The following STK3 variants were observed in gnomAD, a reference collection of about 807,000 sequenced individuals.
STK3 encodes serine/threonine kinase 3.
STK3 carries 41 observed loss-of-function variants against 58.0 expected under a neutral mutation model. That is an observed-to-expected ratio of 0.71 (90% confidence interval 0.55 to 0.92). The LOEUF is 0.92. Among genes scored for constraint, STK3 ranks in the 40% least tolerant of loss-of-function variants. The pLI is 0.00. For missense variants in STK3, 479 were observed against 602.7 expected, an observed-to-expected ratio of 0.79 and a Z score of 2.15; for synonymous variants, 170 against 191.0, an observed-to-expected ratio of 0.89 and a Z score of 0.91.
At chr8:98,352,512 A>G in the STK3 span, among the ~76,000 whole-genome samples, 1 of 152,226 alleles carries the variant, frequency 6.6e-6, no homozygotes, top group Non-Finnish European at 1.5e-5. Flanking sequence ...AACACTGCAG[A>G]AAAAATGCCT....
At chr8:98,378,398 T>C (rs1226993744) in intron 2 of STK3, among the ~76,000 whole-genome samples, 1 of 152,256 alleles carries the variant, frequency 6.6e-6, no homozygotes, top group African/African-American at 2.4e-5. Flanking sequence ...AGGATCAATG[T>C]CATTCGGTGG....
chr8:98,782,275 G>T (rs1832141382), intron 1 of STK3: 1 of 174,156 alleles, frequency 5.7e-6, no homozygotes, highest in Non-Finnish European at 1.2e-5. Context: ...ATGGTCATAG[G>T]TAAACAAAAA....
intron 10 of STK3, among the ~76,000 whole-genome samples, chr8:98,477,444 C>G (rs1434728815): frequency 6.6e-6 from 1 of 151,920 alleles, no homozygotes; most frequent in Non-Finnish European, 1.5e-5. Flanking sequence ...TCTTTCTCAA[C>G]CCCAACTCCC....
chr8:98,579,875 A>G, intron 7 of STK3, 86 bp from the exon 8 acceptor site: 3 of 1,215,410 alleles, frequency 2.5e-6, no homozygotes, highest in Non-Finnish European at 3.3e-6. Context: ...GTAAATGTTA[A>G]CCAGGATCAC....
chr8:98,618,569 T>C (rs1436571466), intron 6 of STK3, among the ~76,000 whole-genome samples: 4 of 148,326 alleles, frequency 2.7e-5, no homozygotes, highest in South Asian at 4.4e-4. Flanking sequence ...AAAACCCCAT[T>C]GTCTCAGCCC....
chr8:98,523,746 A>C (rs1002186437), intron 10 of STK3, among the ~76,000 whole-genome samples: 3 of 152,000 alleles, frequency 2.0e-5, no homozygotes, highest in African/African-American at 7.2e-5. Context: ...AGTTCATTAT[A>C]CATTATGAAT....
chr8:98,708,769 T>C (rs1033932524), intron 4 of STK3, among the ~76,000 whole-genome samples: 1 of 152,200 alleles, frequency 6.6e-6, no homozygotes, highest in Non-Finnish European at 1.5e-5. Context: ...ACCCTGTGAA[T>C]TGACTGAGTG....
At chr8:98,411,768 TC>T in intron 3 of STK3, among the ~76,000 whole-genome samples, 1 of 152,230 alleles carries the variant, frequency 6.6e-6, no homozygotes, top group South Asian at 2.1e-4. Context: ...ACATCACTCC[TC>T]GAGGGACAAA....
At chr8:98,630,773 A>AGAAGAAGAG (rs1444427651) in intron 6 of STK3, among the ~76,000 whole-genome samples, 1 of 151,622 alleles carries the variant, frequency 6.6e-6, no homozygotes, top group African/African-American at 2.4e-5. Context: ...AACAAGAAGA[A>AGAAGAAGAG]GAAGAGGAAG....
intron 1 of STK3, among the ~76,000 whole-genome samples, chr8:98,916,257 T>C (rs572416805): frequency 6.6e-6 from 1 of 152,116 alleles, no homozygotes; most frequent in South Asian, 2.1e-4. Context: ...CTACTAAAAA[T>C]ACAAAAATTA....
intron 3 of STK3, among the ~76,000 whole-genome samples, chr8:98,835,404 T>C (rs1207660280): frequency 6.6e-6 from 1 of 152,210 alleles, no homozygotes; most frequent in African/African-American, 2.4e-5. Flanking sequence ...CTGGTGGGCA[T>C]ATGTTCCCTC....
At chr8:98,575,324 G>T (rs1454052625) in intron 8 of STK3, among the ~76,000 whole-genome samples, 1 of 149,400 alleles carries the variant, frequency 6.7e-6, no homozygotes, top group African/African-American at 2.5e-5. Flanking sequence ...CTTGAGTGCA[G>T]GCCAGACCTA....
chr8:98,701,310 T>C (rs1006137302), intron 6 of STK3, among the ~76,000 whole-genome samples: 16 of 152,294 alleles, frequency 1.1e-4, no homozygotes, highest in Middle Eastern at 3.4e-3. Flanking sequence ...ATTTAAAATA[T>C]ATACATATAT....
intron 4 of STK3, among the ~76,000 whole-genome samples, chr8:98,715,314 G>A (rs558297699): frequency 1.3e-5 from 2 of 152,156 alleles, no homozygotes; most frequent in East Asian, 3.9e-4. Flanking sequence ...CTTCTGCACA[G>A]CAGAAGAAAC....
chr8:98,910,924 A>T (rs1587836873), intron 1 of STK3, among the ~76,000 whole-genome samples: 1 of 152,212 alleles, frequency 6.6e-6, no homozygotes, highest in South Asian at 2.1e-4. Context: ...CACTCCAGCC[A>T]GCTTAGTGGT....
intron 2 of STK3, among the ~76,000 whole-genome samples, chr8:98,375,943 G>A (rs1205267227): frequency 2.0e-5 from 3 of 152,092 alleles, no homozygotes; most frequent in Non-Finnish European, 4.4e-5. Flanking sequence ...AGATACACAG[G>A]GGTGGGGTTA....
chr8:98,413,756 C>T lies in STK3; in HGVS notation n.484-12243G>A, dbSNP rs1159993925. 5.7e-6 allele frequency: 4 copies of T among 703,514 alleles called. No individual in the cohort carries two copies. In the African/African-American group the frequency reaches 7.0e-5, roughly 12 times the overall value. 43.6% of individuals were successfully genotyped at this position (703,514 alleles called of 1,614,324 possible). A position where few individuals can be genotyped will look rare whatever the true frequency, so the allele number is the denominator to read the frequency against. On this transcript the variant is annotated intron_variant and non_coding_transcript_variant, in intron 3 of 3. Transcript: ENST00000517832. The stretch of plus-strand genomic sequence containing the variant: ...GCACCTTGGTCAGGTCATGCCTGAC[C>T]CCATGAGAGGAAGCCCATCGTCATC...
chr8:98,383,400 G>C (rs1444449882), intron 1 of STK3, among the ~76,000 whole-genome samples: 1 of 152,208 alleles, frequency 6.6e-6, no homozygotes, highest in South Asian at 2.1e-4. Context: ...GTATAAATGA[G>C]AGACATGGAA....
intron 1 of STK3, among the ~76,000 whole-genome samples, chr8:98,923,784 GAACATAA>G (rs1451546748): frequency 6.7e-6 from 1 of 150,152 alleles, no homozygotes; most frequent in Non-Finnish European, 1.5e-5. Context: ...TGAAAAACCA[GAACATAA>G]AACTCTGTGT....
Sources: allele counts gnomAD v4.1 joint callset (sites outside exome capture counted in the v4.1 genomes callset), GRCh38; gene constraint gnomAD v4.1.1; transcripts MANE v1.5; gene names NCBI Gene and HGNC (gene_info 2026-07-23, HGNC 2026-07-21).